MALRD1: variants seen among roughly 807,000 people sequenced by gnomAD.
MALRD1 encodes MAM and LDL receptor class A domain containing 1, also known as MAM and LDL-receptor class A domain-containing protein 1.
In MALRD1, 247 loss-of-function variants were observed where a neutral mutation model predicts 242.1. The observed-to-expected ratio is 1.02, with a 90% CI of 0.92 to 1.13. The LOEUF (loss-of-function observed/expected upper bound fraction) is 1.13. Ranked by LOEUF, MALRD1 falls within the 50% of genes most tolerant of loss-of-function variation. The pLI is 0.00. For synonymous variants in MALRD1, 995 were observed against 866.6 expected, an observed-to-expected ratio of 1.15 and a Z score of -2.60; for missense variants, 2,989 against 2,533.1, an observed-to-expected ratio of 1.18 and a Z score of -3.86.
intron 11 of MALRD1, among the ~76,000 whole-genome samples, chr10:19,148,173 A>G (rs1333310363): frequency 2.6e-5 from 4 of 152,098 alleles, no homozygotes; most frequent in African/African-American, 9.7e-5. Flanking sequence ...CTGAAGAAAT[A>G]TCAGTGAGAG....
chr10:19,717,047 T>C (rs957602921), intron 38 of MALRD1, among the ~76,000 whole-genome samples: 16 of 152,334 alleles, frequency 1.1e-4, no homozygotes, highest in African/African-American at 2.9e-4. Flanking sequence ...TCATCAGCAA[T>C]AGATACTATC....
At position 19,280,206 on chromosome 10, in the gene MALRD1, C is replaced by A; in HGVS notation, c.3239C>A (p.Ser1080Ter). The change falls in exon 20 of 40, where the codon TCA becomes TAA. Residue 1080 changes from serine to a stop codon, truncating the protein, a stop_gained. Transcript: ENST00000454679. LOFTEE classifies it high-confidence loss of function. Reference protein sequence around the residue: ...CDFKYDCPDKSDEASCVMEVC... With the variant: ...CDFKYDCPDK ...TTTAAATATGACTGCCCTGACAAAT[C>A]AGATGAAGCATCCTGTGGTAGGTGG... 1 of 1,510,662 alleles carries A rather than the reference C, an allele frequency of 6.6e-7. No individual in the cohort carries two copies. The highest frequency in any genetic ancestry group is 8.8e-7 in the Non-Finnish European group (1 of 1,132,452). The allele number at this position is 1,510,662 out of a possible 1,614,324, so 93.6% of individuals were successfully genotyped here.
chr10:19,230,945 C>T (rs1035696082), intron 18 of MALRD1, among the ~76,000 whole-genome samples: 3 of 152,154 alleles, frequency 2.0e-5, no homozygotes, highest in South Asian at 2.1e-4. Context: ...GCTCTGCCTA[C>T]ATAGAATTTC....
chr10:19,225,578 C>A (rs547275262), intron 18 of MALRD1, among the ~76,000 whole-genome samples: 91 of 152,102 alleles, frequency 6.0e-4, no homozygotes, highest in Non-Finnish European at 1.1e-3. Flanking sequence ...TTAGTGTGAC[C>A]GAAGTATCAT....
intron 29 of MALRD1, among the ~76,000 whole-genome samples, chr10:19,459,253 A>G (rs1835817513): frequency 6.6e-6 from 1 of 152,156 alleles, no homozygotes; most frequent in African/African-American, 2.4e-5. Context: ...AAAAGCTCCC[A>G]GCATTCCTGG....
chr10:19,444,579 C>G (rs1424873747), intron 28 of MALRD1, among the ~76,000 whole-genome samples: 1 of 152,110 alleles, frequency 6.6e-6, no homozygotes, highest in Non-Finnish European at 1.5e-5. Flanking sequence ...CTTAGTTTGG[C>G]TGGATATGAA....
intron 25 of MALRD1, among the ~76,000 whole-genome samples, chr10:19,351,588 G>C (rs959298676): frequency 6.6e-6 from 1 of 152,094 alleles, no homozygotes; most frequent in African/African-American, 2.4e-5. Flanking sequence ...AATAATTTAA[G>C]TTTCATGAGA....
At chr10:19,293,919 C>G (rs908466983) in intron 21 of MALRD1, among the ~76,000 whole-genome samples, 3 of 152,130 alleles carry the variant, frequency 2.0e-5, no homozygotes, top group African/African-American at 7.2e-5. Flanking sequence ...TACAAAAAAA[C>G]GAAATGCAGT....
At chr10:19,227,154 AT>A (rs796326723) in intron 18 of MALRD1, among the ~76,000 whole-genome samples, 117 of 147,630 alleles carry the variant, frequency 7.9e-4, no homozygotes, top group Non-Finnish European at 1.0e-3. Flanking sequence ...GCTGATTCTA[AT>A]TTTTTTTTTT....
intron 22 of MALRD1, among the ~76,000 whole-genome samples, chr10:19,327,025 ATGTT>A (rs1443467872): frequency 8.6e-5 from 13 of 152,014 alleles, no homozygotes; most frequent in African/African-American, 2.9e-4. Flanking sequence ...TGATGAGAAT[ATGTT>A]TGTTTCATGG....
At chr10:19,610,908 C>A (rs899221467) in intron 35 of MALRD1, among the ~76,000 whole-genome samples, 27 of 151,886 alleles carry the variant, frequency 1.8e-4, no homozygotes, top group African/African-American at 6.5e-4. Context: ...AGGCCAGTCC[C>A]TGACACATAG....
Position 19,655,528 on chromosome 10 carries a change from GTGTA to G in MALRD1, c.6138-36752_6138-36749del, listed in dbSNP as rs1301913857. ...TGTGTGTGTACATATATATGTGTGA[GTGTA>G]TATATATATATATATATATATATAT... On this transcript the variant is annotated intron_variant, in intron 36 of 39. Coordinates refer to ENST00000454679, the MANE Select transcript of MALRD1 (RefSeq NM_001142308.3). Among the ~76,000 whole-genome samples the G allele has an allele frequency of 6.3e-3, 645 of 102,922 alleles. 6 individuals are homozygous for G. Among genetic ancestry groups the G allele is most frequent in the African/African-American group, 0.022 (608 of 27,786 alleles). The allele number at this position is 102,922 out of a possible 152,430, so 67.5% of individuals were successfully genotyped here. A position where few individuals can be genotyped will look rare whatever the true frequency, so the allele number is the denominator to read the frequency against.
At chr10:19,173,136 A>G (rs1373088194) in intron 13 of MALRD1, among the ~76,000 whole-genome samples, 2 of 152,028 alleles carry the variant, frequency 1.3e-5, no homozygotes, top group African/African-American at 2.4e-5. Context: ...TTTTACTTCC[A>G]GTCCATTTTC....
At chr10:19,480,302 AAGGAAC>A (rs1009247590) in intron 29 of MALRD1, among the ~76,000 whole-genome samples, 1 of 152,124 alleles carries the variant, frequency 6.6e-6, no homozygotes, top group Non-Finnish European at 1.5e-5. Context: ...ATCTCAGCAA[AAGGAAC>A]AGGTTGTGGT....
chr10:19,688,475 G>T (rs1411399169), intron 36 of MALRD1, among the ~76,000 whole-genome samples: 1 of 151,966 alleles, frequency 6.6e-6, no homozygotes, highest in African/African-American at 2.4e-5. Flanking sequence ...TGCCCAGACT[G>T]ATCTCAAACT....
At chr10:19,308,086 T>C (rs1197661217) in intron 21 of MALRD1, among the ~76,000 whole-genome samples, 3 of 151,578 alleles carry the variant, frequency 2.0e-5, no homozygotes, top group African/African-American at 7.3e-5. Flanking sequence ...TATTATCGGC[T>C]GTAGTCACCC....
chr10:19,712,452 T>C (rs1295142250), intron 38 of MALRD1, among the ~76,000 whole-genome samples: 1 of 152,158 alleles, frequency 6.6e-6, no homozygotes, highest in African/African-American at 2.4e-5. Context: ...AAATGAGATA[T>C]ATGTAAAGGA....
intron 10 of MALRD1, among the ~76,000 whole-genome samples, chr10:19,140,497 A>C (rs1244953447): frequency 6.6e-6 from 1 of 151,448 alleles, no homozygotes; most frequent in African/African-American, 2.4e-5. Flanking sequence ...AAAACAACTG[A>C]AGTCTCTGAG....
intron 28 of MALRD1, among the ~76,000 whole-genome samples, chr10:19,392,411 G>T (rs1846378673): frequency 6.6e-6 from 1 of 151,968 alleles, no homozygotes; most frequent in Admixed American, 6.6e-5. Flanking sequence ...CCTTTATCGA[G>T]ATCTATACAC....
Sources: allele counts gnomAD v4.1 joint callset (sites outside exome capture counted in the v4.1 genomes callset), GRCh38; gene constraint gnomAD v4.1.1; transcripts MANE v1.5; gene names NCBI Gene and HGNC (gene_info 2026-07-23, HGNC 2026-07-21).